Variants in TTC17 observed in about 807,000 individuals in gnomAD.
The protein encoded by TTC17 is tetratricopeptide repeat domain 17.
TTC17 carries 58 observed loss-of-function variants against 143.8 expected under a neutral mutation model. The observed-to-expected ratio is 0.40, with a 90% CI of 0.33 to 0.50. TTC17 has a LOEUF of 0.50. Among genes scored for constraint, TTC17 ranks in the 20% least tolerant of loss-of-function variants. The pLI is 0.49. For synonymous variants in TTC17, 501 were observed against 497.8 expected (o/e 1.01, Z -0.09); for missense variants, 1,273 against 1,392.5 (o/e 0.91, Z 1.37).
At chr11:43,396,419 G>C (rs1857594454) in intron 5 of TTC17, 1 of 200,130 alleles carries the variant, frequency 5.0e-6, no homozygotes, top group Non-Finnish European at 1.0e-5. Context: ...AACAAGTTGT[G>C]ATCAGTTGGT....
At chr11:43,450,313 GCC>G in intron 20 of TTC17, 72 bp downstream of exon 20, 1 of 1,473,172 alleles carries the variant, frequency 6.8e-7, no homozygotes, top group Non-Finnish European at 9.0e-7. Context: ...TACATAGAAA[GCC>G]CAGGTGACCG....
chr11:43,407,591 G>A lies in TTC17; in HGVS notation c.2064+14G>A, dbSNP rs1565150695. On this transcript the variant is annotated intron_variant, in intron 15 of 23. Transcript: ENST00000039989. ...AATAGCTCTGAGGTGAGGTTTTAAG[G>A]GATTTCATAGTTCCGTATACTATGT... The A allele has an allele frequency of 6.2e-7, 1 of 1,609,586 alleles. No homozygotes were observed. Among genetic ancestry groups the A allele is most frequent in the Non-Finnish European group, 8.5e-7 (1 of 1,176,598 alleles).
rs2134594720 is a variant in TTC17, at chr11:43,407,361, T to C, written c.1848T>C (p.Ala616=). ...FLFHAINKPN[A]PIWLILNEAG... ...ATTTTTGGATTTTTCAGCCAAATGCTCCTATCTGGCTCATACTCAATGAAG... is the reference window on the plus strand; with the variant it reads ...ATTTTTGGATTTTTCAGCCAAATGCCCCTATCTGGCTCATACTCAATGAAG... Residue 616 remains alanine (A), a synonymous_variant, in exon 15 of 24, where the codon GCT becomes GCC. Transcript: ENST00000039989. 1 of 1,613,394 alleles carries C rather than the reference T, an allele frequency of 6.2e-7. No homozygotes were observed. Among genetic ancestry groups the C allele is most frequent in the Non-Finnish European group, 8.5e-7 (1 of 1,179,704 alleles).
Position 43,397,448 on chromosome 11 carries a change from G to A in TTC17, c.875G>A (p.Ser292Asn), listed in dbSNP as rs753472195. ...AVVVHAALDD[S>N]DFFTSYYTLG... ...GTGGTCCATGCAGCTCTGGATGACA[G>A]TGACTTCTTCACCAGCTATTACACT... Residue 292 changes from serine (S) to asparagine (N), a missense_variant, in exon 7 of 24, where the codon AGT becomes AAT. Coordinates refer to ENST00000039989, the MANE Select transcript of TTC17 (RefSeq NM_018259.6). 2 of 1,613,060 alleles carry A rather than the reference G, an allele frequency of 1.2e-6. No homozygotes were observed. Among genetic ancestry groups the A allele is most frequent in the Non-Finnish European group, 8.5e-7 (1 of 1,179,910 alleles).
chr11:43,372,133 G>T (rs1367272367), intron 1 of TTC17, among the ~76,000 whole-genome samples: 1 of 152,214 alleles, frequency 6.6e-6, no homozygotes, highest in Admixed American at 6.5e-5. Flanking sequence ...TCCTAAGGAT[G>T]TGTAGGAACT....
At chr11:43,379,474 G>T (rs1856883007) in intron 2 of TTC17, 152 bp downstream of exon 2, 5 of 602,604 alleles carry the variant, frequency 8.3e-6, no homozygotes, top group Non-Finnish European at 2.8e-6. Context: ...GTGTGTGTGT[G>T]TGTGTGTTTT....
chr11:43,415,488 G>T (rs533440685), intron 16 of TTC17, among the ~76,000 whole-genome samples: 1 of 152,102 alleles, frequency 6.6e-6, no homozygotes, highest in Non-Finnish European at 1.5e-5. Flanking sequence ...GTTTACATAC[G>T]TGTGGATCCT....
intron 21 of TTC17, among the ~76,000 whole-genome samples, chr11:43,475,121 G>A (rs1469140625): frequency 6.6e-6 from 1 of 152,104 alleles, no homozygotes; most frequent in Non-Finnish European, 1.5e-5. Flanking sequence ...GTTGTTCAAG[G>A]GTCAACTGTA....
At chr11:43,393,505 ACT>A (rs1307291683) in intron 5 of TTC17, among the ~76,000 whole-genome samples, 1 of 151,890 alleles carries the variant, frequency 6.6e-6, no homozygotes, top group South Asian at 2.1e-4. Context: ...AGCTCTCAAA[ACT>A]CTGTTGTTTA....
chr11:43,456,344 A>T (rs1002163473), intron 21 of TTC17, among the ~76,000 whole-genome samples: 1 of 152,172 alleles, frequency 6.6e-6, no homozygotes, highest in Non-Finnish European at 1.5e-5. Context: ...AATATAGACA[A>T]AGGCATTCAG....
intron 1 of TTC17, among the ~76,000 whole-genome samples, chr11:43,364,501 C>T (rs990360060): frequency 6.6e-6 from 1 of 152,088 alleles, no homozygotes; most frequent in Admixed American, 6.5e-5. Flanking sequence ...CTTTTTTTGT[C>T]ATAAAGGACT....
At chr11:43,415,712 C>T (rs765554832) in intron 16 of TTC17, among the ~76,000 whole-genome samples, 13 of 152,124 alleles carry the variant, frequency 8.5e-5, no homozygotes, top group Non-Finnish European at 1.9e-4. Flanking sequence ...ATTCGCTATA[C>T]CAGACTGCCT....
chr11:43,465,071 T>C (rs1313849278), intron 21 of TTC17, among the ~76,000 whole-genome samples: 3 of 152,236 alleles, frequency 2.0e-5, no homozygotes, highest in Non-Finnish European at 4.4e-5. Flanking sequence ...GTCTGGAGAT[T>C]GGTGCCTTTT....
intron 5 of TTC17, among the ~76,000 whole-genome samples, chr11:43,393,260 C>T (rs1857456559): frequency 6.6e-6 from 1 of 152,168 alleles, no homozygotes; most frequent in Admixed American, 6.5e-5. Context: ...AAGTCAAGGC[C>T]ACCAGACAAA....
chr11:43,419,332 A>G (rs200689037), intron 16 of TTC17, among the ~76,000 whole-genome samples: 2 of 152,258 alleles, frequency 1.3e-5, no homozygotes, highest in Non-Finnish European at 2.9e-5. Context: ...TTTAATATCT[A>G]TTCCAATGTG....
At chr11:43,462,386 A>G (rs192278331) in intron 21 of TTC17, among the ~76,000 whole-genome samples, 1 of 152,356 alleles carries the variant, frequency 6.6e-6, no homozygotes, top group East Asian at 1.9e-4. Context: ...ATGTATTCTT[A>G]TAAAGAAGGA....
chr11:43,443,930 G>A lies in TTC17; in HGVS notation c.2512-126G>A, dbSNP rs1340769312. ...AACCATTTTTTATTTAGGTCTTTAA[G>A]AATTAAACTCAAGGAGAGAACTTAA... On this transcript the variant is annotated intron_variant, in intron 17 of 23. Coordinates refer to ENST00000039989, the MANE Select transcript of TTC17 (RefSeq NM_018259.6). 7 of 1,131,226 alleles carry A rather than the reference G, an allele frequency of 6.2e-6. No homozygotes were observed. In the East Asian group the frequency reaches 1.7e-4, roughly 28 times the overall value. The allele number at this position is 1,131,226 out of a possible 1,614,324, so 70.1% of individuals were successfully genotyped here.
chr11:43,461,244 C>T (rs563215866), intron 21 of TTC17, among the ~76,000 whole-genome samples: 2 of 151,990 alleles, frequency 1.3e-5, no homozygotes, highest in South Asian at 2.1e-4. Context: ...ATTAGCCGGG[C>T]GCAGTGGCGG....
intron 21 of TTC17, among the ~76,000 whole-genome samples, chr11:43,481,937 G>T (rs1396525459): frequency 3.3e-5 from 5 of 152,102 alleles, no homozygotes; most frequent in Non-Finnish European, 7.4e-5. Context: ...AGCCTTCTGA[G>T]TAGCTGGGGT....
Sources: allele counts gnomAD v4.1 joint callset (sites outside exome capture counted in the v4.1 genomes callset), GRCh38; gene constraint gnomAD v4.1.1; transcripts MANE v1.5; gene names NCBI Gene and HGNC (gene_info 2026-07-23, HGNC 2026-07-21).